Variants in RBMS3 observed in about 807,000 individuals in gnomAD.
RBMS3 encodes the protein RNA binding motif single stranded interacting protein 3, also known as RNA-binding motif, single-stranded-interacting protein 3.
In RBMS3, 27 loss-of-function variants were observed where a neutral mutation model predicts 66.8. The observed-to-expected ratio is 0.40, with a 90% CI of 0.30 to 0.56. The LOEUF is 0.56. Ranked by LOEUF, RBMS3 falls within the 20% of genes least tolerant of loss-of-function variation. RBMS3 has a pLI of 0.40. For missense variants in RBMS3, 513 were observed against 549.5 expected, an observed-to-expected ratio of 0.93 and a Z score of 0.66; for synonymous variants, 188 against 183.0, an observed-to-expected ratio of 1.03 and a Z score of -0.22.
intron 2 of RBMS3, among the ~76,000 whole-genome samples, chr3:29,474,867 T>C (rs2042891347): frequency 6.6e-6 from 1 of 152,194 alleles, no homozygotes; most frequent in Non-Finnish European, 1.5e-5. Context: ...CAGGGAACAT[T>C]TTAGATACTT....
chr3:29,996,886 A>C (rs1699278779), intron 14 of RBMS3, among the ~76,000 whole-genome samples: 1 of 152,080 alleles, frequency 6.6e-6, no homozygotes, highest in South Asian at 2.1e-4. Flanking sequence ...ACACATTCAA[A>C]AGCTAGCAGA....
In RBMS3 at chr3:29,386,558, A is replaced by C. The variant is rs187561587; in HGVS notation, c.76-48185A>C. On this transcript the variant is annotated intron_variant, in intron 1 of 14. Coordinates refer to ENST00000383767, the MANE Select transcript of RBMS3 (RefSeq NM_001003793.3). The stretch of plus-strand genomic sequence containing the variant: ...CTCTTCTACTTGTGCACTGGATCAC[A>C]TACCTCTTCTGTATACAAAGCAGCA... 4.7e-4 allele frequency among the ~76,000 whole-genome samples: 72 copies of C among 152,306 alleles called. 2 individuals are homozygous for C. Among genetic ancestry groups the C allele is most frequent in the South Asian group, 3.5e-3 (17 of 4,830 alleles).
chr3:29,640,284 A>C (rs569618691), intron 4 of RBMS3, among the ~76,000 whole-genome samples: 2,581 of 138,172 alleles, frequency 0.019, 69 homozygotes, highest in African/African-American at 0.063. Context: ...ACACACACAC[A>C]CCCACACACA....
chr3:29,281,412 A>G lies in RBMS3; in HGVS notation c.-270A>G. 5 of 490,396 alleles carry G rather than the reference A, an allele frequency of 1.0e-5. No homozygotes were observed. In the South Asian group the frequency reaches 1.1e-4, roughly 11 times the overall value. The allele number at this position is 490,396 out of a possible 1,614,324, so 30.4% of individuals were successfully genotyped here. On this transcript the variant is annotated 5_prime_UTR_variant, in exon 1 of 15. Coordinates refer to ENST00000383767, the MANE Select transcript of RBMS3 (RefSeq NM_001003793.3). ...CCAAGTGGACCCCGGCAGCTGGGGG[A>G]AGCCAGGCAAGATCTGGGAAGGCTG...
At position 29,473,124 on chromosome 3, in the gene RBMS3, G is replaced by A. The variant is rs180926757; in HGVS notation, c.249-15317G>A. 5.2e-4 allele frequency among the ~76,000 whole-genome samples: 79 copies of A among 151,808 alleles called. No individual in the cohort carries two copies. The East Asian group carries it at 6.2e-3, about 12-fold the overall frequency. Reference sequence around the variant, plus strand: ...AACCTTGAGCTAGATAGAGAGTGCCGATTGGTGTATTTACAATCCCTTAGC... The same window carrying A: ...AACCTTGAGCTAGATAGAGAGTGCCAATTGGTGTATTTACAATCCCTTAGC... On this transcript the variant is annotated intron_variant, in intron 2 of 14. Transcript: ENST00000383767.
At chr3:29,527,901 G>T (rs1195135314) in intron 3 of RBMS3, among the ~76,000 whole-genome samples, 1 of 144,454 alleles carries the variant, frequency 6.9e-6, no homozygotes, top group African/African-American at 2.6e-5. Context: ...ATGTACCCTA[G>T]AACTTAAAGT....
At chr3:29,739,111 T>C (rs963770327) in intron 4 of RBMS3, among the ~76,000 whole-genome samples, 1 of 152,220 alleles carries the variant, frequency 6.6e-6, no homozygotes, top group African/African-American at 2.4e-5. Context: ...TAGTGGTTAA[T>C]GGTAATAAAA....
chr3:29,564,020 AAAAG>A (rs1484451914), intron 3 of RBMS3, among the ~76,000 whole-genome samples: 1 of 151,956 alleles, frequency 6.6e-6, no homozygotes, highest in Admixed American at 6.6e-5. Flanking sequence ...AAAAAAAAGA[AAAAG>A]AAAAAAGAAG....
chr3:29,846,750 T>C (rs1399106807), intron 6 of RBMS3, among the ~76,000 whole-genome samples: 1 of 152,240 alleles, frequency 6.6e-6, no homozygotes, highest in Non-Finnish European at 1.5e-5. Flanking sequence ...AGATACATTT[T>C]ACTTCAGAGT....
chr3:29,668,253 C>G (rs2050846607), intron 4 of RBMS3, among the ~76,000 whole-genome samples: 1 of 152,166 alleles, frequency 6.6e-6, no homozygotes, highest in African/African-American at 2.4e-5. Flanking sequence ...GCTACTTCCC[C>G]TAAGGTTGGC....
intron 1 of RBMS3, among the ~76,000 whole-genome samples, chr3:29,323,194 C>T (rs2035110614): frequency 6.6e-6 from 1 of 152,126 alleles, no homozygotes; most frequent in Non-Finnish European, 1.5e-5. Context: ...GAGACAAACA[C>T]ATACACAGTT....
At chr3:29,736,476 G>A (rs538487650) in intron 4 of RBMS3, among the ~76,000 whole-genome samples, 3 of 152,336 alleles carry the variant, frequency 2.0e-5, no homozygotes, top group Admixed American at 1.3e-4. Context: ...CTGGTGCACT[G>A]ATGCCTGGAG....
chr3:29,654,615 G>A (rs113600149), intron 4 of RBMS3, among the ~76,000 whole-genome samples: 1 of 149,770 alleles, frequency 6.7e-6, no homozygotes, highest in Non-Finnish European at 1.5e-5. Flanking sequence ...TTTTTTGAGA[G>A]AGTTTCATTC....
rs138753360 is a variant in RBMS3, at chr3:29,788,524, C to T, written c.637+25535C>T. On this transcript the variant is annotated intron_variant, in intron 6 of 14. Coordinates refer to ENST00000383767, the MANE Select transcript of RBMS3 (RefSeq NM_001003793.3). ...ACAGGCATGAGCCACTCTGCCAGGC[C>T]TGGAGTTCATTCTTAAGGGTACAAG... Among the ~76,000 whole-genome samples, 1,137 of 152,266 alleles carry T rather than the reference C, an allele frequency of 7.5e-3. 14 individuals carry two copies. The highest frequency in any genetic ancestry group is 0.044 in the Middle Eastern group (13 of 294).
At chr3:29,971,312 A>G in intron 12 of RBMS3, among the ~76,000 whole-genome samples, 1 of 152,140 alleles carries the variant, frequency 6.6e-6, no homozygotes, top group African/African-American at 2.4e-5. Context: ...AGAGCTTCCT[A>G]TGATGGAAGA....
chr3:29,892,683 GGCATAAT>G (rs887933256), intron 8 of RBMS3, among the ~76,000 whole-genome samples: 1 of 151,210 alleles, frequency 6.6e-6, no homozygotes, highest in African/African-American at 2.4e-5. Context: ...ACATTTGCAA[GGCATAAT>G]GCATAATGCA....
chr3:29,341,454 C>G lies in RBMS3; in HGVS notation c.75+59698C>G, dbSNP rs552024282. On this transcript the variant is annotated intron_variant, in intron 1 of 14. Coordinates refer to ENST00000383767, the MANE Select transcript of RBMS3 (RefSeq NM_001003793.3). ...TTCCATACCACTCTGCCATCTCAAGCATAATATTTTAAATCTTATAAGTAT... is the reference window on the plus strand; with the variant it reads ...TTCCATACCACTCTGCCATCTCAAGGATAATATTTTAAATCTTATAAGTAT... Among the ~76,000 whole-genome samples the G allele has an allele frequency of 5.9e-5, 9 of 152,162 alleles. No homozygotes were observed. The South Asian group carries it at 1.9e-3, about 32-fold the overall frequency.
At chr3:29,908,971 A>G (rs1391050484) in intron 10 of RBMS3, among the ~76,000 whole-genome samples, 1 of 152,126 alleles carries the variant, frequency 6.6e-6, no homozygotes, top group Non-Finnish European at 1.5e-5. Flanking sequence ...GAGAAGAACA[A>G]TGACATAAAG....
chr3:29,913,686 C>A (rs920127521), intron 10 of RBMS3, among the ~76,000 whole-genome samples: 1 of 151,926 alleles, frequency 6.6e-6, no homozygotes, highest in Non-Finnish European at 1.5e-5. Context: ...AGAAGAGAAA[C>A]CTTTTATCAA....
Sources: gnomAD v4.1 joint callset for allele counts (sites outside exome capture counted in the v4.1 genomes callset) on GRCh38, gnomAD v4.1.1 for gene constraint, MANE v1.5 for transcripts, NCBI Gene and HGNC (gene_info 2026-07-23, HGNC 2026-07-21) for gene names.